Variants in TNFRSF13B observed in about 807,000 individuals in gnomAD.
TNFRSF13B encodes the protein tumor necrosis factor receptor superfamily member 13B.
In TNFRSF13B, 34 loss-of-function variants were observed where a neutral mutation model predicts 24.0. That is an observed-to-expected ratio of 1.41 (90% CI 1.08 to 1.88). TNFRSF13B has a LOEUF of 1.88. Ranked by LOEUF, TNFRSF13B falls within the 40% of genes most tolerant of loss-of-function variation. The pLI is 0.00. For missense variants in TNFRSF13B, 415 were observed against 380.8 expected, an observed-to-expected ratio of 1.09 and a Z score of -0.75; for synonymous variants, 173 against 150.3, an observed-to-expected ratio of 1.15 and a Z score of -1.10.
intron 1 of TNFRSF13B, among the ~76,000 whole-genome samples, chr17:16,967,588 T>C (rs1351150386): frequency 6.8e-6 from 1 of 147,846 alleles, no homozygotes. Context: ...CTACTAAAAA[T>C]ATATAAAAAA....
At chr17:16,961,501 T>C (rs2087662334) in intron 1 of TNFRSF13B, among the ~76,000 whole-genome samples, 1 of 152,140 alleles carries the variant, frequency 6.6e-6, no homozygotes, top group Non-Finnish European at 1.5e-5. Context: ...GAGAGACAAA[T>C]ATTGTACAAT....
Position 16,950,332 on chromosome 17 carries a change from T to C in TNFRSF13B, c.200-1349A>G, listed in dbSNP as rs1055872498. On this transcript the variant is annotated intron_variant, in intron 2 of 4. Coordinates refer to ENST00000261652, the MANE Select transcript of TNFRSF13B (RefSeq NM_012452.3). ...TAACAGTACTGACTTCTTCGTAGGGTTGTTGGCAGAGTTGTAGGGCCCAGC... is the reference window on the plus strand; with the variant it reads ...TAACAGTACTGACTTCTTCGTAGGGCTGTTGGCAGAGTTGTAGGGCCCAGC... Among the ~76,000 whole-genome samples the C allele has an allele frequency of 2.0e-5, 3 of 152,306 alleles. No individual in the cohort carries two copies. The East Asian group carries it at 5.8e-4, about 29-fold the overall frequency.
intron 1 of TNFRSF13B, among the ~76,000 whole-genome samples, chr17:16,955,876 AC>A (rs1274276388): frequency 1.3e-5 from 2 of 152,254 alleles, no homozygotes; most frequent in African/African-American, 4.8e-5. Context: ...GTGGCTACTT[AC>A]TATTCCATGG....
At chr17:16,962,845 T>G (rs1457182122) in intron 1 of TNFRSF13B, among the ~76,000 whole-genome samples, 1 of 151,892 alleles carries the variant, frequency 6.6e-6, no homozygotes, top group East Asian at 1.9e-4. Flanking sequence ...GCACCCCTCC[T>G]TCACCGGGGG....
At position 16,939,616 on chromosome 17, in the gene TNFRSF13B, G is replaced by C. The variant is rs200924433; in HGVS notation, c.813C>G (p.Cys271Trp). 4 of 1,613,474 alleles carry C rather than the reference G, an allele frequency of 2.5e-6. No homozygotes were observed. Among genetic ancestry groups the C allele is most frequent in the Non-Finnish European group, 3.4e-6 (4 of 1,179,726 alleles). Residue 271 changes from cysteine (C) to tryptophan (W), a missense_variant, in exon 5 of 5, where the codon TGC (cysteine) becomes TGG (tryptophan). Transcript: ENST00000261652. ...CAAGGCCACTGTCTGGGATGTGTGG[G>C]CAAGGCTGCAGGACTGTGGTCCTGG... is the stretch of plus-strand genomic sequence containing the variant. ...CHTRTTVLQP[C>W]PHIPDSGLGI...
At position 16,964,621 on chromosome 17, in the gene TNFRSF13B, G is replaced by A. The variant is rs573740917; in HGVS notation, c.61+7394C>T. On this transcript the variant is annotated intron_variant, in intron 1 of 4. Coordinates refer to ENST00000261652, the MANE Select transcript of TNFRSF13B (RefSeq NM_012452.3). The stretch of plus-strand genomic sequence containing the variant: ...CTCCCAAAGTGCTGGGATTACAGGC[G>A]TGAGCCACCACGCCCGGCCTCCCAT... Among the ~76,000 whole-genome samples the A allele has an allele frequency of 4.6e-5, 7 of 152,276 alleles. 1 individual carries two copies. The highest frequency in any genetic ancestry group is 2.0e-4 in the Admixed American group (3 of 15,304).
intron 3 of TNFRSF13B, among the ~76,000 whole-genome samples, chr17:16,947,773 G>A (rs1463064323): frequency 6.6e-6 from 1 of 152,244 alleles, no homozygotes; most frequent in Non-Finnish European, 1.5e-5. Context: ...TTCAGCCACT[G>A]TAGAAAGCAG....
chr17:16,965,990 C>T (rs2087696160), intron 1 of TNFRSF13B, among the ~76,000 whole-genome samples: 1 of 152,138 alleles, frequency 6.6e-6, no homozygotes, highest in Non-Finnish European at 1.5e-5. Flanking sequence ...TGCGGCGGCT[C>T]ATGCTTGTAA....
rs758990001 is a variant in TNFRSF13B at position 16,972,089 on chromosome 17, T to C, written c.-14A>G. On this transcript the variant is annotated 5_prime_UTR_variant, in exon 1 of 5. The change creates a new upstream start codon in the 5' untranslated region. Transcript: ENST00000261652. Reference sequence around the variant, plus strand: ...CAGGCCACTCATTACTCAGGATGCTTATTACTAGTCTTAGATTTGATTAGT... The same window carrying C: ...CAGGCCACTCATTACTCAGGATGCTCATTACTAGTCTTAGATTTGATTAGT... 83 of 1,613,524 alleles carry C rather than the reference T, an allele frequency of 5.1e-5. No homozygotes were observed. Among genetic ancestry groups the C allele is most frequent in the Non-Finnish European group, 4.0e-5 (47 of 1,179,992 alleles).
intron 1 of TNFRSF13B, among the ~76,000 whole-genome samples, chr17:16,956,556 G>A (rs1244839567): frequency 1.3e-5 from 2 of 152,146 alleles, no homozygotes; most frequent in Admixed American, 6.5e-5. Context: ...TGAACACAAT[G>A]AGCACATGGT....
chr17:16,950,764 C>T lies in TNFRSF13B; in HGVS notation c.199+1682G>A, dbSNP rs538010909. ...CACCCCTCCCTGCCTGACCTCACAC[C>T]CCTCCCCTCCCCCGCCTGGGACTCA... On this transcript the variant is annotated intron_variant, in intron 2 of 4. Transcript: ENST00000261652. Among the ~76,000 whole-genome samples the T allele has an allele frequency of 2.0e-5, 3 of 152,216 alleles. No individual in the cohort carries two copies. The South Asian group carries it at 6.2e-4, about 32-fold the overall frequency.
chr17:16,958,988 C>G (rs946037186), intron 1 of TNFRSF13B, among the ~76,000 whole-genome samples: 2 of 152,030 alleles, frequency 1.3e-5, no homozygotes, highest in Non-Finnish European at 2.9e-5. Flanking sequence ...AGACAACGCT[C>G]AATGCAACAA....
chr17:16,968,904 C>T (rs1393463883), intron 1 of TNFRSF13B, among the ~76,000 whole-genome samples: 2 of 152,108 alleles, frequency 1.3e-5, no homozygotes, highest in African/African-American at 4.8e-5. Flanking sequence ...TAGGCATTTT[C>T]CCCAAAAAAA....
At chr17:16,940,825 G>A (rs1271387636) in intron 3 of TNFRSF13B, 3 of 1,285,966 alleles carry the variant, frequency 2.3e-6, no homozygotes, top group Non-Finnish European at 3.0e-6. Flanking sequence ...ATCGACAGAC[G>A]AACAGACGAT....
rs895717776 is a variant in TNFRSF13B at position 16,951,553 on chromosome 17, A to G, written c.199+893T>C. Among the ~76,000 whole-genome samples, 12 of 152,324 alleles carry G rather than the reference A, an allele frequency of 7.9e-5. No individual in the cohort carries two copies. In the East Asian group the frequency reaches 2.3e-3, roughly 29 times the overall value. ...GTTTCACAGGTTTTCGTGGTCCAGT[A>G]TCTGCAGGTAAAATTATATGAGATC... On this transcript the variant is annotated intron_variant, in intron 2 of 4. Transcript: ENST00000261652.
At chr17:16,956,291 A>ATTAG (rs2087624085) in intron 1 of TNFRSF13B, among the ~76,000 whole-genome samples, 1 of 152,240 alleles carries the variant, frequency 6.6e-6, no homozygotes. Flanking sequence ...ATCCTTGAGG[A>ATTAG]GTGGTAAGGT....
At chr17:16,960,529 C>A in intron 1 of TNFRSF13B, among the ~76,000 whole-genome samples, 1 of 152,120 alleles carries the variant, frequency 6.6e-6, no homozygotes, top group Non-Finnish European at 1.5e-5. Context: ...CAGTCTCTTC[C>A]ATAAATGATG....
chr17:16,951,705 A>G (rs2087589639), intron 2 of TNFRSF13B, among the ~76,000 whole-genome samples: 1 of 152,162 alleles, frequency 6.6e-6, no homozygotes, highest in African/African-American at 2.4e-5. Flanking sequence ...CCTGACCAAC[A>G]TGGAGAAACC....
intron 1 of TNFRSF13B, among the ~76,000 whole-genome samples, chr17:16,971,191 T>C (rs2087741075): frequency 6.6e-6 from 1 of 151,792 alleles, no homozygotes; most frequent in Non-Finnish European, 1.5e-5. Flanking sequence ...CTACTAAAAA[T>C]ACAAAAAATT....
Sources: gnomAD v4.1 joint callset for allele counts (sites outside exome capture counted in the v4.1 genomes callset) on GRCh38, gnomAD v4.1.1 for gene constraint, MANE v1.5 for transcripts, NCBI Gene and HGNC (gene_info 2026-07-23, HGNC 2026-07-21) for gene names.